The following COL22A1 variants were observed in gnomAD, a reference collection of about 807,000 sequenced individuals.
COL22A1 encodes collagen type XXII alpha 1 chain.
A neutral mutation model predicts 248.9 loss-of-function variants in COL22A1; 221 were observed. That is an observed-to-expected ratio of 0.89 (90% CI 0.80 to 0.99). The LOEUF is 0.99. COL22A1 is among the 50% of genes least tolerant of loss of function. The pLI is 0.00. For missense variants in COL22A1, 2,240 were observed against 2,179.0 expected (o/e 1.03, Z -0.56); for synonymous variants, 891 against 793.4 (o/e 1.12, Z -2.07).
At chr8:138,813,138 T>C in intron 7 of COL22A1, 119 bp from the exon 8 acceptor site, 3 of 746,200 alleles carry the variant, frequency 4.0e-6, no homozygotes, top group South Asian at 1.5e-5. Context: ...GGGGTCTTCC[T>C]GAGTCCACCC....
At chr8:138,808,161 G>A (rs1817887586) in intron 9 of COL22A1, among the ~76,000 whole-genome samples, 1 of 152,164 alleles carries the variant, frequency 6.6e-6, no homozygotes, top group Non-Finnish European at 1.5e-5. Flanking sequence ...GGCTACCAGA[G>A]GCTATGGAGC....
chr8:138,738,253 A>G (rs1037360897), intron 22 of COL22A1, among the ~76,000 whole-genome samples: 1 of 152,174 alleles, frequency 6.6e-6, no homozygotes, highest in Non-Finnish European at 1.5e-5. Context: ...GCTTCAGTGC[A>G]TACATGTTCA....
rs181627571 is a variant in COL22A1 at position 138,728,489 on chromosome 8, T to C, written c.2140-3049A>G. ...CTAAGGATGCCGATGACCTCTGGAGTGTTTTATGCTTTTTCAAAAAAGGTG... is the reference window on the plus strand; with the variant it reads ...CTAAGGATGCCGATGACCTCTGGAGCGTTTTATGCTTTTTCAAAAAAGGTG... On this transcript the variant is annotated intron_variant, in intron 23 of 64. Transcript: ENST00000303045. Among the ~76,000 whole-genome samples the C allele has an allele frequency of 1.1e-4, 17 of 151,472 alleles. No homozygotes were observed. The East Asian group carries it at 2.7e-3, about 24-fold the overall frequency.
At chr8:138,625,660 G>A (rs1820176660) in intron 51 of COL22A1, among the ~76,000 whole-genome samples, 2 of 152,178 alleles carry the variant, frequency 1.3e-5, no homozygotes, top group East Asian at 1.9e-4. Flanking sequence ...TTTTTAAAAT[G>A]CTATGCATAC....
intron 63 of COL22A1, 68 bp from the exon 64 acceptor site, chr8:138,591,569 C>T: frequency 7.8e-7 from 1 of 1,289,040 alleles, no homozygotes; most frequent in Non-Finnish European, 1.0e-6. Context: ...GGCGTCCCAC[C>T]TTGCGGGAGG....
At chr8:138,595,671 G>A (rs1817481978) in intron 62 of COL22A1, among the ~76,000 whole-genome samples, 3 of 152,068 alleles carry the variant, frequency 2.0e-5, no homozygotes, top group Admixed American at 2.0e-4. Context: ...CATGGAAATG[G>A]ACTGTGTTCC....
rs1261834968 is a variant in COL22A1 at position 138,616,760 on chromosome 8, A to G, written c.3870+154T>C. On this transcript the variant is annotated intron_variant, in intron 54 of 64. Transcript: ENST00000303045. ...CCAAGAGGTGAGCATGGTGCTTCAAAGGTGTCCCTGTGCTGGCTTGCTCCA... is the reference window on the plus strand; with the variant it reads ...CCAAGAGGTGAGCATGGTGCTTCAAGGGTGTCCCTGTGCTGGCTTGCTCCA... The G allele has an allele frequency of 7.5e-6, 6 of 798,454 alleles. No homozygotes were observed. In the Admixed American group the frequency reaches 1.1e-4, roughly 15 times the overall value. The allele number at this position is 798,454 out of a possible 1,614,324, so 49.5% of individuals were successfully genotyped here. A position where few individuals can be genotyped will look rare whatever the true frequency, so the allele number is the denominator to read the frequency against.
chr8:138,779,518 G>C lies in COL22A1; in HGVS notation c.1695C>G (p.Val565=). The C allele has an allele frequency of 1.2e-6, 2 of 1,612,576 alleles. No individual in the cohort carries two copies. Among genetic ancestry groups the C allele is most frequent in the Non-Finnish European group, 1.7e-6 (2 of 1,178,666 alleles). ...TCACAGCAACACTCACCCGCATGCC[G>C]ACCTCACCCGGCAGCCCCGGCTCTC... ...ELGEPGLPGE[V]GMRGPQGPPG... The change falls in exon 14 of 65, where the codon GTC becomes GTG. Residue 565 remains valine, a synonymous_variant. Coordinates refer to ENST00000303045, the MANE Select transcript of COL22A1 (RefSeq NM_152888.3).
At chr8:138,703,800 G>C (rs140693146) in intron 30 of COL22A1, among the ~76,000 whole-genome samples, 1 of 152,080 alleles carries the variant, frequency 6.6e-6, no homozygotes, top group Non-Finnish European at 1.5e-5. Flanking sequence ...TGCAGCCCAC[G>C]GAGTGTGAGC....
chr8:138,598,915 C>G lies in COL22A1; in HGVS notation c.4186-17G>C. The G allele has an allele frequency of 6.2e-7, 1 of 1,613,486 alleles. No individual in the cohort carries two copies. Among genetic ancestry groups the G allele is most frequent in the Non-Finnish European group, 8.5e-7 (1 of 1,179,614 alleles). On this transcript the variant is annotated splice_polypyrimidine_tract_variant and intron_variant, in intron 60 of 64. Transcript: ENST00000303045. ...AGGATCTCCCTAAGGAGGAAATAAGCATGTCAGCATGTGTCTCAGGGCTGG... is the reference window on the plus strand; with the variant it reads ...AGGATCTCCCTAAGGAGGAAATAAGGATGTCAGCATGTGTCTCAGGGCTGG...
intron 1 of COL22A1, among the ~76,000 whole-genome samples, chr8:138,899,224 A>G (rs1303293414): frequency 6.6e-6 from 1 of 152,124 alleles, no homozygotes; most frequent in Non-Finnish European, 1.5e-5. Context: ...ATCACAATGT[A>G]AGTCCTACAA....
At chr8:138,701,251 A>G (rs1312445611) in intron 31 of COL22A1, among the ~76,000 whole-genome samples, 2 of 152,122 alleles carry the variant, frequency 1.3e-5, no homozygotes, top group African/African-American at 4.8e-5. Context: ...ATTTACTATA[A>G]TTTGCAATGT....
intron 22 of COL22A1, among the ~76,000 whole-genome samples, chr8:138,743,097 A>T (rs1218384342): frequency 1.4e-4 from 15 of 107,302 alleles, no homozygotes; most frequent in Middle Eastern, 0.01. Flanking sequence ...GTGATGGTGG[A>T]GTTGATGAGG....
chr8:138,805,869 GGT>G (rs1817557050), intron 10 of COL22A1, among the ~76,000 whole-genome samples: 2 of 136,726 alleles, frequency 1.5e-5, no homozygotes, highest in Admixed American at 7.2e-5. Flanking sequence ...TGTGTGAGAT[GGT>G]GTGTTTGTGT....
At chr8:138,819,529 A>G (rs1818928675) in intron 7 of COL22A1, among the ~76,000 whole-genome samples, 1 of 150,274 alleles carries the variant, frequency 6.7e-6, no homozygotes, top group Non-Finnish European at 1.5e-5. Context: ...ATACACATAT[A>G]TTTTATATCT....
At chr8:138,830,910 A>G (rs1819995080) in intron 5 of COL22A1, among the ~76,000 whole-genome samples, 1 of 152,194 alleles carries the variant, frequency 6.6e-6, no homozygotes, top group African/African-American at 2.4e-5. Context: ...CCACATGAGC[A>G]TGGGGCCAGG....
At chr8:138,906,369 C>CAA (rs9324499) in intron 1 of COL22A1, among the ~76,000 whole-genome samples, 53,552 of 143,800 alleles carry the variant, frequency 0.37, 10,499 homozygotes, top group East Asian at 0.51. Context: ...GACTCCGTCT[C>CAA]AAAAAAAAAA....
chr8:138,908,526 T>C (rs1815196855), intron 1 of COL22A1, among the ~76,000 whole-genome samples: 1 of 152,236 alleles, frequency 6.6e-6, no homozygotes. Flanking sequence ...GTCTGTAATT[T>C]TTGTTAAGAG....
chr8:138,792,694 C>T (rs1816171432), intron 12 of COL22A1, among the ~76,000 whole-genome samples: 1 of 152,336 alleles, frequency 6.6e-6, no homozygotes. Flanking sequence ...AGGTCCCTGG[C>T]TGTCTCTTCC....
Sources: gnomAD v4.1 joint callset for allele counts (sites outside exome capture counted in the v4.1 genomes callset) on GRCh38, gnomAD v4.1.1 for gene constraint, MANE v1.5 for transcripts, NCBI Gene and HGNC (gene_info 2026-07-23, HGNC 2026-07-21) for gene names.